LY96: variants seen among roughly 807,000 people sequenced by gnomAD.
LY96 encodes the protein lymphocyte antigen 96.
Under a neutral mutation model 18.9 loss-of-function variants are expected in LY96, and 18 were observed. The observed-to-expected ratio is 0.95, with a 90% CI of 0.66 to 1.41. The LOEUF (loss-of-function observed/expected upper bound fraction) is 1.41, where lower values mean the gene tolerates loss of function less well. LY96 is among the 40% of genes most tolerant of loss of function. LY96 has a pLI of 0.00. For synonymous variants in LY96, 66 were observed against 62.6 expected (o/e 1.06, Z -0.26); for missense variants, 175 against 182.4 (o/e 0.96, Z 0.23).
At chr8:74,023,527 G>A (rs997203822) in intron 3 of LY96, among the ~76,000 whole-genome samples, 1 of 152,188 alleles carries the variant, frequency 6.6e-6, no homozygotes, top group Non-Finnish European at 1.5e-5. Flanking sequence ...GAAGGAGGAC[G>A]CTGACAGGCA....
the LY96 span, among the ~76,000 whole-genome samples, chr8:74,043,704 T>TA: frequency 6.6e-6 from 1 of 152,188 alleles, no homozygotes; most frequent in Non-Finnish European, 1.5e-5. Context: ...TAAATTAACT[T>TA]AAAAAATTAA....
At chr8:74,077,927 G>C in the LY96 span, among the ~76,000 whole-genome samples, 1 of 151,812 alleles carries the variant, frequency 6.6e-6, no homozygotes, top group Admixed American at 6.6e-5. Context: ...GGGAAACGAA[G>C]CGAGACCTTG....
At chr8:73,992,603 G>A (rs138944303) in intron 1 of LY96, among the ~76,000 whole-genome samples, 1 of 152,198 alleles carries the variant, frequency 6.6e-6, no homozygotes, top group Non-Finnish European at 1.5e-5. Flanking sequence ...AGTGACTTTC[G>A]GGAAATTGGG....
the LY96 span, among the ~76,000 whole-genome samples, chr8:74,089,208 T>A: frequency 1.3e-5 from 2 of 152,240 alleles, no homozygotes; most frequent in Non-Finnish European, 2.9e-5. Context: ...CCATGCCCTG[T>A]GAGAACTGTT....
the LY96 span, among the ~76,000 whole-genome samples, chr8:74,040,380 T>C: frequency 2.0e-5 from 3 of 152,252 alleles, no homozygotes; most frequent in African/African-American, 7.2e-5. Context: ...TTGCTTGTGC[T>C]TGTGGGGTAT....
chr8:74,026,877 T>C lies in LY96; in HGVS notation c.384+36T>C, dbSNP rs761482193. ...AGATTTATTTTGTACTGTCTAACCTTTAGCAGTAATAGACATGTTAAGCAT... is the reference window on the plus strand; with the variant it reads ...AGATTTATTTTGTACTGTCTAACCTCTAGCAGTAATAGACATGTTAAGCAT... On this transcript the variant is annotated intron_variant, in intron 4 of 4. Coordinates refer to ENST00000284818, the MANE Select transcript of LY96 (RefSeq NM_015364.5). The C allele has an allele frequency of 1.3e-5, 13 of 1,024,696 alleles. No homozygotes were observed. In the African/African-American group the frequency reaches 1.7e-4, roughly 14 times the overall value. The allele number at this position is 1,024,696 out of a possible 1,614,324, so 63.5% of individuals were successfully genotyped here. A position where few individuals can be genotyped will look rare whatever the true frequency, so the allele number is the denominator to read the frequency against.
chr8:74,022,824 C>T (rs1404461807), intron 3 of LY96, among the ~76,000 whole-genome samples: 4 of 152,082 alleles, frequency 2.6e-5, no homozygotes, highest in Non-Finnish European at 5.9e-5. Flanking sequence ...CGTGATCAGC[C>T]CACCTCGGCC....
At chr8:74,095,382 A>G in the LY96 span, among the ~76,000 whole-genome samples, 1 of 152,152 alleles carries the variant, frequency 6.6e-6, no homozygotes, top group African/African-American at 2.4e-5. Flanking sequence ...TAAGGGCCAT[A>G]GGGATTGTTG....
chr8:74,029,087 G>A (rs1816926835), downstream of LY96: 5 of 1,325,156 alleles, frequency 3.8e-6, no homozygotes, highest in Non-Finnish European at 5.4e-6. Context: ...AAATTTAAAG[G>A]TATTGTTCCT....
the LY96 span, chr8:74,099,300 G>A: frequency 0.096 from 14,638 of 152,110 alleles, 1,031 homozygotes; most frequent in African/African-American, 0.2. Flanking sequence ...TGTTATATCC[G>A]CTCCCTCACT....
intron 3 of LY96, among the ~76,000 whole-genome samples, chr8:74,022,268 G>A (rs1816780086): frequency 6.6e-6 from 1 of 152,006 alleles, no homozygotes; most frequent in Non-Finnish European, 1.5e-5. Context: ...GTAGATGGGT[G>A]TGGTAGCACA....
the LY96 span, among the ~76,000 whole-genome samples, chr8:74,065,992 TG>T: frequency 6.6e-6 from 1 of 152,226 alleles, no homozygotes; most frequent in South Asian, 2.1e-4. Context: ...TGTCTTTATT[TG>T]CTAAATCTGG....
chr8:73,994,819 A>C (rs1010991568), intron 1 of LY96, among the ~76,000 whole-genome samples: 1 of 152,214 alleles, frequency 6.6e-6, no homozygotes, highest in African/African-American at 2.4e-5. Flanking sequence ...GTGCCATAAC[A>C]AAATACCACA....
At chr8:74,054,617 C>CTTCTTTTTTTCTTTCTTTCT in the LY96 span, among the ~76,000 whole-genome samples, 5 of 70,098 alleles carry the variant, frequency 7.1e-5, no homozygotes, top group African/African-American at 2.7e-4. Context: ...TTTCCTTTTC[C>CTTCTTTTTTTCTTTCTTTCT]TTCTTTCTTT....
intron 3 of LY96, among the ~76,000 whole-genome samples, chr8:74,022,467 C>CAA (rs71778489): frequency 1.3e-3 from 188 of 145,814 alleles, no homozygotes; most frequent in African/African-American, 3.6e-3. Context: ...AATTGAAAAA[C>CAA]AAAAAAAAAA....
chr8:74,001,244 G>C (rs996496778), intron 1 of LY96, among the ~76,000 whole-genome samples: 3 of 103,426 alleles, frequency 2.9e-5, no homozygotes, highest in Non-Finnish European at 6.3e-5. Flanking sequence ...TTTTTTTTTT[G>C]AGACAGTCTC....
At chr8:74,038,587 T>TA in the LY96 span, among the ~76,000 whole-genome samples, 1 of 152,206 alleles carries the variant, frequency 6.6e-6, no homozygotes, top group Non-Finnish European at 1.5e-5. Context: ...GATGGGGTCT[T>TA]ACTATATTGA....
At chr8:74,030,068 T>C (rs564062890), downstream of LY96, among the ~76,000 whole-genome samples, 7 of 152,234 alleles carry the variant, frequency 4.6e-5, no homozygotes, top group South Asian at 1.5e-3. Context: ...TTAGTGTAAG[T>C]AGAGAGTTTA....
chr8:74,018,446 A>T (rs1055607428), intron 3 of LY96, among the ~76,000 whole-genome samples: 9 of 152,172 alleles, frequency 5.9e-5, no homozygotes, highest in African/African-American at 2.2e-4. Flanking sequence ...ACCTACAAAG[A>T]GACTTAGACT....
Sources: gnomAD v4.1 joint callset for allele counts (sites outside exome capture counted in the v4.1 genomes callset) on GRCh38, gnomAD v4.1.1 for gene constraint, MANE v1.5 for transcripts, NCBI Gene and HGNC (gene_info 2026-07-23, HGNC 2026-07-21) for gene names.